Variants in NLGN4Y observed in about 807,000 individuals in gnomAD.
The protein encoded by NLGN4Y is neuroligin 4 Y-linked.
Under a neutral mutation model 8.4 loss-of-function variants are expected in NLGN4Y, and 4 were observed. The observed-to-expected ratio is 0.48, with a 90% CI of 0.23 to 1.09. NLGN4Y has a LOEUF of 1.09. NLGN4Y is among the 50% of genes least tolerant of loss of function. The probability of loss-of-function intolerance (pLI) is 0.19; values close to 1 mark genes in which losing one functional copy is unlikely to be tolerated. For synonymous variants in NLGN4Y, 35 were observed against 75.6 expected, an observed-to-expected ratio of 0.46 and a Z score of 2.78; for missense variants, 90 against 192.3, an observed-to-expected ratio of 0.47 and a Z score of 3.15.
At chrY:14,656,621 C>CA (rs780546798) in intron 2 of NLGN4Y, among the ~76,000 whole-genome samples, 61 of 16,542 alleles carry the variant, frequency 3.7e-3, no homozygotes, top group Admixed American at 4.9e-3. Flanking sequence ...ACAACAACAA[C>CA]AAAAAAAAAA....
In NLGN4Y at chrY:14,586,192, CTG is replaced by C. The variant is rs2080339846; in HGVS notation, c.-111-35812_-111-35811del. 1.5e-4 allele frequency among the ~76,000 whole-genome samples: 5 copies of C among 33,462 alleles called. No individual in the cohort carries two copies. In the East Asian group the frequency reaches 4.0e-3, roughly 27 times the overall value. 89.8% of individuals were successfully genotyped at this position (33,462 alleles called of 37,273 possible). A position where few individuals can be genotyped will look rare whatever the true frequency, so the allele number is the denominator to read the frequency against. On this transcript the variant is annotated intron_variant, in intron 1 of 6. Coordinates refer to ENST00000684976, the MANE Select transcript of NLGN4Y (RefSeq NM_001365588.1). ...TACAGTGTCATACTCCGGAAATAAACTGTGTGGGAAAGGTGGTGTTTAGTAAC... is the reference window on the plus strand; with the variant it reads ...TACAGTGTCATACTCCGGAAATAAACTGTGGGAAAGGTGGTGTTTAGTAAC...
At chrY:14,823,028 A>AAAAT (rs2043128505) in intron 4 of NLGN4Y, among the ~76,000 whole-genome samples, 3 of 33,254 alleles carry the variant, frequency 9.0e-5, no homozygotes, top group Admixed American at 5.5e-4. Flanking sequence ...TAGGAAAAAA[A>AAAAT]AAATCTTATG....
At chrY:14,823,423 T>A (rs2043130517) in intron 4 of NLGN4Y, among the ~76,000 whole-genome samples, 1 of 33,691 alleles carries the variant, frequency 3.0e-5, no homozygotes, top group Non-Finnish European at 7.3e-5. Flanking sequence ...AATACTCAAC[T>A]ATAATATTTG....
intron 2 of NLGN4Y, among the ~76,000 whole-genome samples, chrY:14,632,433 C>T: frequency 2.9e-5 from 1 of 33,955 alleles, no homozygotes; most frequent in Non-Finnish European, 7.3e-5. Context: ...ATTAGAATAA[C>T]ATTTTGGAAA....
In NLGN4Y at chrY:14,841,738, A is replaced by G. The variant is rs778751693; in HGVS notation, c.*476A>G. ...GCTTTTACACAGCACATGAAGCAGT[A>G]ATCCAGAAAGAAGGAAATGCAGAAT... is the stretch of plus-strand genomic sequence containing the variant. On this transcript the variant is annotated 3_prime_UTR_variant, in exon 7 of 7. Transcript: ENST00000684976. 8.2e-6 allele frequency: 1 copy of G among 122,070 alleles called. No homozygotes were observed. Among genetic ancestry groups the G allele is most frequent in the South Asian group, 3.9e-5 (1 of 25,737 alleles). The allele number at this position is 122,070 out of a possible 400,897, so 30.4% of individuals were successfully genotyped here.
At chrY:14,761,266 G>A in intron 4 of NLGN4Y, among the ~76,000 whole-genome samples, 1 of 33,965 alleles carries the variant, frequency 2.9e-5, no homozygotes, top group Non-Finnish European at 7.3e-5. Context: ...TAAAAATGAA[G>A]TGTCACCTAA....
chrY:14,826,942 C>T, intron 5 of NLGN4Y, among the ~76,000 whole-genome samples: 1 of 32,944 alleles, frequency 3.0e-5, no homozygotes, highest in African/African-American at 1.2e-4. Flanking sequence ...AAAAAAATAC[C>T]TTTCTTTAAA....
chrY:14,733,359 A>G, intron 4 of NLGN4Y: 1 of 170,690 alleles, frequency 5.9e-6, no homozygotes, highest in South Asian at 5.0e-5. Flanking sequence ...CCTTGTCTTT[A>G]TATTTTAAAT....
At chrY:14,709,670 A>G in intron 2 of NLGN4Y, among the ~76,000 whole-genome samples, 3 of 32,673 alleles carry the variant, frequency 9.2e-5, no homozygotes, top group African/African-American at 3.6e-4. Flanking sequence ...CCAAAACTGC[A>G]CCATTTCACT....
intron 1 of NLGN4Y, among the ~76,000 whole-genome samples, chrY:14,612,058 C>A (rs2080471472): frequency 3.0e-5 from 1 of 33,590 alleles, no homozygotes; most frequent in Non-Finnish European, 7.4e-5. Flanking sequence ...CTCTGATATA[C>A]TTTCTTTCCC....
chrY:14,812,560 G>A (rs2043085448), intron 4 of NLGN4Y, among the ~76,000 whole-genome samples: 1 of 32,799 alleles, frequency 3.0e-5, no homozygotes, highest in Non-Finnish European at 7.5e-5. Flanking sequence ...GAGGTTATTC[G>A]TTGCATATCT....
In NLGN4Y at chrY:14,841,373, T is replaced by G; in HGVS notation, c.*111T>G. On this transcript the variant is annotated 3_prime_UTR_variant, in exon 7 of 7. Transcript: ENST00000684976. ...CCAGGAATGTTTTTGTGCCACTGAC[T>G]TTAGATAAAAATGCAAAAGGGCAGT... 1.3e-5 allele frequency: 4 copies of G among 301,214 alleles called. No homozygotes were observed. The highest frequency in any genetic ancestry group is 2.0e-5 in the Non-Finnish European group (4 of 202,896). 75.1% of individuals were successfully genotyped at this position (301,214 alleles called of 400,897 possible).
intron 2 of NLGN4Y, among the ~76,000 whole-genome samples, chrY:14,646,413 G>A (rs2080611602): frequency 3.0e-5 from 1 of 33,834 alleles, no homozygotes; most frequent in Admixed American, 2.7e-4. Flanking sequence ...CAGCAATGCT[G>A]GACTAGGGCA....
chrY:14,548,191 C>T (rs2080178979), intron 1 of NLGN4Y, among the ~76,000 whole-genome samples: 1 of 32,918 alleles, frequency 3.0e-5, no homozygotes, highest in East Asian at 7.8e-4. Flanking sequence ...ATTATCCAGA[C>T]AGTTTCAGTG....
intron 2 of NLGN4Y, among the ~76,000 whole-genome samples, chrY:14,652,977 A>G (rs2080634550): frequency 3.0e-5 from 1 of 32,914 alleles, no homozygotes; most frequent in Non-Finnish European, 7.5e-5. Context: ...AAATACATAT[A>G]TGCAAACTAA....
At chrY:14,830,604 C>T in intron 6 of NLGN4Y, 85 bp downstream of exon 6, 1 of 261,521 alleles carries the variant, frequency 3.8e-6, no homozygotes, top group Non-Finnish European at 6.2e-6. Flanking sequence ...CCGGCATGTG[C>T]AGGAGCACAC....
intron 4 of NLGN4Y, among the ~76,000 whole-genome samples, chrY:14,772,899 G>T (rs1014158310): frequency 1.5e-4 from 5 of 32,976 alleles, no homozygotes; most frequent in Non-Finnish European, 3.0e-4. Context: ...CAAAAAATTA[G>T]GTATTGATGG....
At chrY:14,562,857 C>T (rs772680430) in intron 1 of NLGN4Y, among the ~76,000 whole-genome samples, 1 of 33,102 alleles carries the variant, frequency 3.0e-5, no homozygotes, top group Non-Finnish European at 7.5e-5. Context: ...TTTCTGTTAT[C>T]GGTGTATAGG....
intron 2 of NLGN4Y, among the ~76,000 whole-genome samples, chrY:14,633,366 T>C (rs972729015): frequency 2.1e-4 from 7 of 34,071 alleles, no homozygotes; most frequent in Non-Finnish European, 2.9e-4. Flanking sequence ...ATAGTCTTGC[T>C]CTGTTGCCCA....
Sources: gnomAD v4.1 joint callset for allele counts (sites outside exome capture counted in the v4.1 genomes callset) on GRCh38, gnomAD v4.1.1 for gene constraint, MANE v1.5 for transcripts, NCBI Gene and HGNC (gene_info 2026-07-23, HGNC 2026-07-21) for gene names.